Variants in ADCK1 observed in about 807,000 individuals in gnomAD.
ADCK1 encodes the protein aarF domain-containing protein kinase 1.
A neutral mutation model predicts 52.3 loss-of-function variants in ADCK1; 41 were observed. The observed-to-expected ratio is 0.78, with a 90% confidence interval of 0.61 to 1.02. ADCK1 has a LOEUF of 1.02. ADCK1 is among the 50% of genes least tolerant of loss of function. The probability of loss-of-function intolerance (pLI) is 0.00; values close to 1 mark genes in which losing one functional copy is unlikely to be tolerated. For missense variants in ADCK1, 658 were observed against 679.5 expected (o/e 0.97, Z 0.35); for synonymous variants, 250 against 274.6 (o/e 0.91, Z 0.89).
intron 3 of ADCK1, among the ~76,000 whole-genome samples, chr14:77,852,673 A>ATTTATATATATATATATATAT (rs1440198588): frequency 2.8e-4 from 5 of 18,124 alleles, no homozygotes; most frequent in East Asian, 2.1e-3. Flanking sequence ...ATATATATAT[A>ATTTATATATATATATATATAT]TATATATATA....
chr14:77,869,781 G>C (rs975456872), intron 4 of ADCK1, among the ~76,000 whole-genome samples: 38 of 152,140 alleles, frequency 2.5e-4, no homozygotes, highest in African/African-American at 8.9e-4. Context: ...TCTGTCTGTG[G>C]GTCAGCCTCA....
chr14:77,869,747 A>T (rs2082736216), intron 4 of ADCK1, among the ~76,000 whole-genome samples: 1 of 151,800 alleles, frequency 6.6e-6, no homozygotes, highest in South Asian at 2.1e-4. Context: ...GTCTTCTGGG[A>T]CTCTTGTATC....
intron 1 of ADCK1, among the ~76,000 whole-genome samples, chr14:77,805,697 G>A (rs985355212): frequency 2.0e-5 from 3 of 152,130 alleles, no homozygotes; most frequent in Non-Finnish European, 4.4e-5. Flanking sequence ...AGGCCAGTGC[G>A]TTTGGAGTAG....
intron 3 of ADCK1, among the ~76,000 whole-genome samples, chr14:77,843,267 C>T (rs937577140): frequency 5.3e-5 from 8 of 152,242 alleles, no homozygotes; most frequent in Non-Finnish European, 8.8e-5. Context: ...GACTCCTGTC[C>T]CACATTCAGG....
At chr14:77,928,749 C>T (rs1362479540) in intron 9 of ADCK1, among the ~76,000 whole-genome samples, 4 of 152,076 alleles carry the variant, frequency 2.6e-5, no homozygotes, top group East Asian at 1.9e-4. Flanking sequence ...CATGAGCCAC[C>T]GTGCCCAGCC....
At chr14:77,841,674 C>CAAAAAAAA (rs71128696) in intron 3 of ADCK1, among the ~76,000 whole-genome samples, 1,215 of 73,238 alleles carry the variant, frequency 0.017, no homozygotes, top group Non-Finnish European at 0.021. Context: ...ACTAAAAATA[C>CAAAAAAAA]AAAAAAAAAA....
chr14:77,827,560 T>G (rs973625178), intron 3 of ADCK1, among the ~76,000 whole-genome samples: 10 of 152,110 alleles, frequency 6.6e-5, no homozygotes, highest in Admixed American at 4.6e-4. Context: ...GGGGTTATTT[T>G]TTTTTCTTTT....
At position 77,931,373 on chromosome 14, in the gene ADCK1, C is replaced by T. The variant is rs539892179; in HGVS notation, c.1207-145C>T. The T allele has an allele frequency of 3.9e-6, 3 of 770,022 alleles. No homozygotes were observed. In the East Asian group the frequency reaches 8.1e-5, roughly 21 times the overall value. 47.7% of individuals were successfully genotyped at this position (770,022 alleles called of 1,614,324 possible). A position where few individuals can be genotyped will look rare whatever the true frequency, so the allele number is the denominator to read the frequency against. On this transcript the variant is annotated intron_variant, in intron 9 of 10. Transcript: ENST00000238561. ...GCTAGACTTCTCTATGGGGAGTGCT[C>T]CTAGCAGTGCCAAGACAGCGGTGCC...
intron 6 of ADCK1, among the ~76,000 whole-genome samples, chr14:77,904,900 C>G (rs1289114657): frequency 6.6e-6 from 1 of 151,960 alleles, no homozygotes; most frequent in Non-Finnish European, 1.5e-5. Context: ...TCATTTTTTC[C>G]TTCTTTGATG....
intron 1 of ADCK1, 137 bp downstream of exon 1, chr14:77,800,307 C>T (rs1289596674): frequency 7.2e-5 from 11 of 152,410 alleles, no homozygotes; most frequent in Non-Finnish European, 1.5e-4. Context: ...GTGCAGCCGC[C>T]CTGGGCGCCG....
intron 3 of ADCK1, among the ~76,000 whole-genome samples, chr14:77,844,373 G>A (rs978198343): frequency 6.6e-6 from 1 of 152,094 alleles, no homozygotes; most frequent in African/African-American, 2.4e-5. Context: ...GAGCCACCAC[G>A]CCTGGCCTGA....
intron 4 of ADCK1, among the ~76,000 whole-genome samples, chr14:77,871,748 G>A (rs2082783055): frequency 6.6e-6 from 1 of 152,190 alleles, no homozygotes; most frequent in Admixed American, 6.5e-5. Context: ...TGAAGGGGAG[G>A]TCTGAGGGGA....
At chr14:77,842,465 T>C (rs1237165703) in intron 3 of ADCK1, among the ~76,000 whole-genome samples, 16 of 64,974 alleles carry the variant, frequency 2.5e-4, no homozygotes, top group African/African-American at 5.4e-4. Context: ...CCTTCCTTCC[T>C]TCCTTCCTTC....
chr14:77,862,973 T>C (rs3783968), intron 4 of ADCK1, among the ~76,000 whole-genome samples: 57,700 of 152,010 alleles, frequency 0.38, 11,740 homozygotes, highest in Admixed American at 0.51. Flanking sequence ...GAGGTGGATG[T>C]TGGAGGAAGT....
chr14:77,872,043 C>T (rs190897009), intron 4 of ADCK1, among the ~76,000 whole-genome samples: 70 of 152,308 alleles, frequency 4.6e-4, no homozygotes, highest in Non-Finnish European at 6.3e-4. Flanking sequence ...TGTCAGCATT[C>T]CCAAGTGGGA....
chr14:77,875,507 C>A (rs1253029145), intron 4 of ADCK1, among the ~76,000 whole-genome samples: 1 of 152,032 alleles, frequency 6.6e-6, no homozygotes, highest in Non-Finnish European at 1.5e-5. Flanking sequence ...AAAGAAAACT[C>A]CTTAGCACCC....
At chr14:77,930,533 G>A (rs928248827) in intron 9 of ADCK1, among the ~76,000 whole-genome samples, 2 of 152,100 alleles carry the variant, frequency 1.3e-5, no homozygotes, top group South Asian at 2.1e-4. Flanking sequence ...CAGAGTCGTC[G>A]AGTCCTGTGG....
chr14:77,831,581 T>A (rs1175209723), intron 3 of ADCK1, among the ~76,000 whole-genome samples: 1 of 152,186 alleles, frequency 6.6e-6, no homozygotes, highest in African/African-American at 2.4e-5. Flanking sequence ...CTGTCAACTT[T>A]TATTTTATTT....
intron 3 of ADCK1, among the ~76,000 whole-genome samples, chr14:77,854,064 A>G (rs2082366966): frequency 2.0e-5 from 3 of 152,156 alleles, no homozygotes; most frequent in African/African-American, 7.2e-5. Context: ...TGTTTTATAT[A>G]TGCTGTCCAG....
Sources: allele counts gnomAD v4.1 joint callset (sites outside exome capture counted in the v4.1 genomes callset), GRCh38; gene constraint gnomAD v4.1.1; transcripts MANE v1.5; gene names NCBI Gene and HGNC (gene_info 2026-07-23, HGNC 2026-07-21).